The following TLR5 variants were observed in gnomAD, a reference collection of about 807,000 sequenced individuals.
TLR5 encodes the protein toll like receptor 5.
For synonymous variants in TLR5, 373 were observed against 384.4 expected, an observed-to-expected ratio of 0.97 and a Z score of 0.35; for missense variants, 944 against 999.8, an observed-to-expected ratio of 0.94 and a Z score of 0.75.
At chr1:223,136,838 T>C (rs1053090661) in intron 3 of TLR5, among the ~76,000 whole-genome samples, 1 of 152,158 alleles carries the variant, frequency 6.6e-6, no homozygotes, top group Non-Finnish European at 1.5e-5. Context: ...TTTTAAATTT[T>C]TTTTTTTGAG....
At chr1:223,137,950 ATTTT>A (rs3044335) in intron 2 of TLR5, among the ~76,000 whole-genome samples, 17 of 84,564 alleles carry the variant, frequency 2.0e-4, no homozygotes, top group Admixed American at 5.5e-4. Context: ...GGCTTTTTAA[ATTTT>A]TTTTTTTTTT....
At chr1:223,136,101 G>A (rs887296999) in intron 3 of TLR5, among the ~76,000 whole-genome samples, 2 of 152,148 alleles carry the variant, frequency 1.3e-5, no homozygotes, top group African/African-American at 4.8e-5. Context: ...TTGCCAAGTT[G>A]GGGGAAGAGG....
intron 5 of TLR5, among the ~76,000 whole-genome samples, chr1:223,113,890 C>G (rs1260437755): frequency 6.6e-6 from 1 of 152,222 alleles, no homozygotes; most frequent in East Asian, 1.9e-4. Context: ...GCCGGGTACC[C>G]CGTTCCTAGC....
intron 5 of TLR5, among the ~76,000 whole-genome samples, chr1:223,113,608 T>TTTTA (rs900500615): frequency 6.6e-6 from 1 of 152,114 alleles, no homozygotes; most frequent in East Asian, 1.9e-4. Flanking sequence ...TTTAAAAAAA[T>TTTTA]TTTATTTATT....
rs769879599 is a variant in TLR5 at position 223,111,352 on chromosome 1, G to A, written c.1680C>T (p.Leu560=). The change falls in exon 6 of 6, where the codon CTC becomes CTT. Residue 560 remains leucine (L), a synonymous_variant. Coordinates refer to ENST00000642603, the MANE Select transcript of TLR5 (RefSeq NM_003268.6). ...CAAATACATCAGGATTAGGAGCTAG[G>A]AGCTGGTTCCTGGATATGTCCAGGA... The part of the protein sequence containing the change: ...LEILDISRNQ[L]LAPNPDVFVS... 1 of 1,614,170 alleles carries A rather than the reference G, an allele frequency of 6.2e-7. No homozygotes were observed.
At position 223,141,810 on chromosome 1, in the gene TLR5, TATATATATATATAGAGAGAGAGAG is replaced by T. The variant is rs1266783812; in HGVS notation, c.-554-71_-554-48del. 2.8e-4 allele frequency: 20 copies of T among 70,730 alleles called. No individual in the cohort carries two copies. In the South Asian group the frequency reaches 3.6e-3, roughly 13 times the overall value. 4.4% of individuals were successfully genotyped at this position (70,730 alleles called of 1,614,324 possible). A position where few individuals can be genotyped will look rare whatever the true frequency, so the allele number is the denominator to read the frequency against. Reference sequence around the variant, plus strand: ...ATATATATATATATATATATATATATATATATATATATAGAGAGAGAGAGAGAGAGAGAGAGAGAGAGAGAGAAA... The same window carrying T: ...ATATATATATATATATATATATATATAGAGAGAGAGAGAGAGAGAGAGAAA... On this transcript the variant is annotated intron_variant, in intron 1 of 5. Coordinates refer to ENST00000642603, the MANE Select transcript of TLR5 (RefSeq NM_003268.6).
chr1:223,117,968 A>G (rs2102885955), intron 5 of TLR5, among the ~76,000 whole-genome samples: 1 of 152,390 alleles, frequency 6.6e-6, no homozygotes, highest in East Asian at 1.9e-4. Context: ...AACGCTGTCA[A>G]TAAAAAAGAG....
Position 223,112,913 on chromosome 1 carries a change from TG to T in TLR5, c.118del (p.Gln40ArgfsTer14), listed in dbSNP as rs776568532. On this transcript the variant is annotated frameshift_variant, in exon 6 of 6. Coordinates refer to ENST00000642603, the MANE Select transcript of TLR5 (RefSeq NM_003268.6). LOFTEE classifies it low-confidence loss of function (END_TRUNC). ...IAFYRFCNLT[Q>X]VPQVLNTTER... ...AGTGGTGTTGAGGACCTGGGGGACC[TG>T]GGTGAGGTTGCAGAAACGATAAAAG... 1 of 1,614,096 alleles carries T rather than the reference TG, an allele frequency of 6.2e-7. No homozygotes were observed. The highest frequency in any genetic ancestry group is 1.3e-5 in the African/African-American group (1 of 75,002).
chr1:223,112,436 G>A lies in TLR5; in HGVS notation c.596C>T (p.Ser199Phe). The A allele has an allele frequency of 6.2e-7, 1 of 1,614,228 alleles. No homozygotes were observed. Among genetic ancestry groups the A allele is most frequent in the Non-Finnish European group, 8.5e-7 (1 of 1,180,044 alleles). The change falls in exon 6 of 6, where the codon TCC (serine) becomes TTC (phenylalanine). Residue 199 changes from serine to phenylalanine, a missense_variant. Transcript: ENST00000642603. ...GCTATTAGCTGCGAGGCTAAAAAAGGAGAGCGTTTTCCCTTGTAGGGGCTC... is the reference window on the plus strand; with the variant it reads ...GCTATTAGCTGCGAGGCTAAAAAAGAAGAGCGTTTTCCCTTGTAGGGGCTC... Reference protein sequence around the residue: ...ELEPLQGKTLSFFSLAANSLY... With the variant: ...ELEPLQGKTLFFFSLAANSLY...
intron 3 of TLR5, among the ~76,000 whole-genome samples, chr1:223,135,935 G>A (rs1179962236): frequency 6.6e-6 from 1 of 151,980 alleles, no homozygotes; most frequent in Non-Finnish European, 1.5e-5. Flanking sequence ...CCCTCTCCTT[G>A]TATTTCTGCT....
intron 3 of TLR5, among the ~76,000 whole-genome samples, chr1:223,135,491 G>A (rs377689838): frequency 2.6e-5 from 4 of 152,192 alleles, no homozygotes; most frequent in East Asian, 1.9e-4. Flanking sequence ...CAAAAATGCT[G>A]GGCTGGGAGA....
At chr1:223,128,261 T>G (rs1657253285) in intron 5 of TLR5, 1 of 152,270 alleles carries the variant, frequency 6.6e-6, no homozygotes, top group South Asian at 2.1e-4. Flanking sequence ...GTTAAGTAAC[T>G]TAAGGCCACG....
intron 5 of TLR5, chr1:223,128,791 C>T (rs1417261105): frequency 2.0e-5 from 3 of 152,186 alleles, no homozygotes; most frequent in Admixed American, 1.3e-4. Context: ...TGACTGCTGT[C>T]CACAACCCAT....
At chr1:223,141,822 T>TATAG (rs1398290863) in intron 1 of TLR5, 59 bp from the exon 2 acceptor site, 59 of 42,968 alleles carry the variant, frequency 1.4e-3, no homozygotes, top group Non-Finnish European at 2.2e-3. Context: ...TATATATATA[T>TATAG]AGAGAGAGAG....
intron 5 of TLR5, among the ~76,000 whole-genome samples, chr1:223,119,191 G>A (rs189351252): frequency 1.7e-4 from 26 of 152,176 alleles, no homozygotes; most frequent in East Asian, 3.9e-4. Flanking sequence ...TGGTTGACAC[G>A]TGCATGACAG....
chr1:223,142,634 C>T (rs1192464417), intron 1 of TLR5, among the ~76,000 whole-genome samples: 2 of 152,214 alleles, frequency 1.3e-5, no homozygotes, highest in Admixed American at 6.5e-5. Flanking sequence ...TTTTCCCCCT[C>T]TCAACATAAA....
chr1:223,132,533 C>G lies in TLR5; in HGVS notation c.-63G>C, dbSNP rs927713271. 6.6e-6 allele frequency: 1 copy of G among 152,254 alleles called. No individual in the cohort carries two copies. Among genetic ancestry groups the G allele is most frequent in the African/African-American group, 2.4e-5 (1 of 41,424 alleles). The allele number at this position is 152,254 out of a possible 1,614,324, so 9.4% of individuals were successfully genotyped here. ...TTCTTATTCTAGGGGCAGAGGGTCC[C>G]TGGTTGTTTAAAGACTTCAGTTCCT... On this transcript the variant is annotated 5_prime_UTR_variant, in exon 5 of 6. Coordinates refer to ENST00000642603, the MANE Select transcript of TLR5 (RefSeq NM_003268.6).
intron 5 of TLR5, among the ~76,000 whole-genome samples, chr1:223,119,566 T>C (rs1656836336): frequency 1.3e-5 from 2 of 152,052 alleles, no homozygotes; most frequent in South Asian, 4.1e-4. Context: ...CACGCCTCAT[T>C]ATACCCTCCT....
At chr1:223,141,584 C>T (rs1353612487) in intron 2 of TLR5, 64 bp downstream of exon 2, 1 of 151,728 alleles carries the variant, frequency 6.6e-6, no homozygotes, top group African/African-American at 2.4e-5. Context: ...ATCAGCCCGA[C>T]CAACATGGTG....
Sources: gnomAD v4.1 joint callset for allele counts (sites outside exome capture counted in the v4.1 genomes callset) on GRCh38, gnomAD v4.1.1 for gene constraint, MANE v1.5 for transcripts, NCBI Gene and HGNC (gene_info 2026-07-23, HGNC 2026-07-21) for gene names.